FGF12: variants seen among roughly 807,000 people sequenced by gnomAD.
FGF12 encodes fibroblast growth factor 12B.
Under a neutral mutation model 23.6 loss-of-function variants are expected in FGF12, and 14 were observed. That is an observed-to-expected ratio of 0.59 (90% confidence interval 0.39 to 0.93). The LOEUF (loss-of-function observed/expected upper bound fraction) is 0.93, where lower values mean the gene tolerates loss of function less well. FGF12 is among the 40% of genes least tolerant of loss of function. FGF12 has a pLI of 0.00. For synonymous variants in FGF12, 62 were observed against 77.3 expected (o/e 0.80, Z 1.04); for missense variants, 175 against 217.8 (o/e 0.80, Z 1.24).
intron 4 of FGF12, among the ~76,000 whole-genome samples, chr3:192,307,962 C>T (rs1014631070): frequency 6.6e-6 from 1 of 152,128 alleles, no homozygotes; most frequent in Non-Finnish European, 1.5e-5. Flanking sequence ...GAATAAGACA[C>T]CAAAAATATA....
In FGF12 at chr3:192,511,408, G is replaced by A. The variant is rs543801452; in HGVS notation, c.14-150870C>T. 1.4e-4 allele frequency among the ~76,000 whole-genome samples: 21 copies of A among 152,232 alleles called. No individual in the cohort carries two copies. The South Asian group carries it at 1.7e-3, about 12-fold the overall frequency. On this transcript the variant is annotated intron_variant, in intron 2 of 5. Transcript: ENST00000445105. Reference sequence around the variant, plus strand: ...TAATGGTCTTTCCTGCTGAAGTGATGAGGAACCTGCAATTTTAACACCACT... The same window carrying A: ...TAATGGTCTTTCCTGCTGAAGTGATAAGGAACCTGCAATTTTAACACCACT...
intron 2 of FGF12, among the ~76,000 whole-genome samples, chr3:192,709,153 A>C (rs1035468969): frequency 1.3e-5 from 2 of 152,190 alleles, no homozygotes; most frequent in Non-Finnish European, 2.9e-5. Context: ...AAAATGACAC[A>C]CCGAAGCTTC....
chr3:192,504,054 T>A (rs1470406349), intron 2 of FGF12, among the ~76,000 whole-genome samples: 1 of 152,040 alleles, frequency 6.6e-6, no homozygotes, highest in East Asian at 1.9e-4. Flanking sequence ...TGGATAGATC[T>A]AGAGGCCGTT....
intron 4 of FGF12, among the ~76,000 whole-genome samples, chr3:192,320,063 T>A (rs1716453398): frequency 6.6e-6 from 1 of 152,174 alleles, no homozygotes; most frequent in African/African-American, 2.4e-5. Context: ...AGTGCCTGCA[T>A]AGATTTCAAA....
At chr3:192,648,257 T>C (rs901943673) in intron 2 of FGF12, among the ~76,000 whole-genome samples, 5 of 152,120 alleles carry the variant, frequency 3.3e-5, no homozygotes, top group African/African-American at 1.2e-4. Context: ...GCATAAGATA[T>C]AACAGAAATG....
chr3:192,723,030 G>A (rs1719089642), intron 2 of FGF12, among the ~76,000 whole-genome samples: 1 of 152,148 alleles, frequency 6.6e-6, no homozygotes, highest in Non-Finnish European at 1.5e-5. Context: ...GTTGAACAGA[G>A]AGGTATGACA....
chr3:192,636,074 G>C (rs1560176802), intron 2 of FGF12, among the ~76,000 whole-genome samples: 1 of 152,130 alleles, frequency 6.6e-6, no homozygotes, highest in Non-Finnish European at 1.5e-5. Flanking sequence ...AGGATAAATG[G>C]CATATGTGTT....
At chr3:192,580,596 G>T (rs758611050) in intron 2 of FGF12, among the ~76,000 whole-genome samples, 12 of 152,028 alleles carry the variant, frequency 7.9e-5, no homozygotes, top group South Asian at 2.1e-4. Flanking sequence ...AGATTTTTTT[G>T]TTGTTGTTGT....
At chr3:192,535,289 A>G (rs963841074) in intron 2 of FGF12, among the ~76,000 whole-genome samples, 4 of 152,222 alleles carry the variant, frequency 2.6e-5, no homozygotes, top group African/African-American at 9.6e-5. Context: ...CCATCCACCT[A>G]GTCTTTCATC....
chr3:192,211,434 TA>T (rs1208110865), intron 4 of FGF12, among the ~76,000 whole-genome samples: 1 of 152,158 alleles, frequency 6.6e-6, no homozygotes, highest in African/African-American at 2.4e-5. Context: ...TTTATTTGTT[TA>T]TTTTTTTGAG....
chr3:192,387,694 CA>C (rs557250807), intron 2 of FGF12, among the ~76,000 whole-genome samples: 239 of 141,154 alleles, frequency 1.7e-3, no homozygotes, highest in African/African-American at 2.4e-3. Context: ...AAAAAAAATA[CA>C]AAAAAAAAAT....
chr3:192,510,121 T>C (rs1271548219), intron 2 of FGF12, among the ~76,000 whole-genome samples: 1 of 152,230 alleles, frequency 6.6e-6, no homozygotes, highest in Non-Finnish European at 1.5e-5. Flanking sequence ...GCTCAGGCTA[T>C]GAAAGCTTCC....
chr3:192,337,319 C>T (rs548124721), intron 3 of FGF12, among the ~76,000 whole-genome samples: 13 of 152,072 alleles, frequency 8.5e-5, no homozygotes, highest in South Asian at 2.1e-4. Context: ...CCTAAAGAAG[C>T]GGAAGTTGAG....
At chr3:192,158,237 C>G (rs1714543164) in intron 5 of FGF12, among the ~76,000 whole-genome samples, 1 of 152,144 alleles carries the variant, frequency 6.6e-6, no homozygotes, top group Admixed American at 6.6e-5. Context: ...CACACCTTCC[C>G]CTTGTACCTC....
At chr3:192,668,329 G>A (rs949614525) in intron 2 of FGF12, among the ~76,000 whole-genome samples, 7 of 152,140 alleles carry the variant, frequency 4.6e-5, no homozygotes, top group Non-Finnish European at 8.8e-5. Flanking sequence ...ACTATTCTAC[G>A]GGGAACTGGG....
At chr3:192,590,725 A>G (rs993176265) in intron 2 of FGF12, among the ~76,000 whole-genome samples, 2 of 151,916 alleles carry the variant, frequency 1.3e-5, no homozygotes, top group Admixed American at 1.3e-4. Context: ...GCAGATAATC[A>G]CATGGACCTT....
At chr3:192,577,362 G>A (rs1712954094) in intron 2 of FGF12, among the ~76,000 whole-genome samples, 1 of 152,090 alleles carries the variant, frequency 6.6e-6, no homozygotes. Flanking sequence ...TTTTTTAAAT[G>A]AACAAATGGT....
chr3:192,526,561 C>A (rs772851123), intron 2 of FGF12, among the ~76,000 whole-genome samples: 1 of 152,178 alleles, frequency 6.6e-6, no homozygotes, highest in African/African-American at 2.4e-5. Context: ...CGCATACACA[C>A]ACACACACAT....
intron 2 of FGF12, among the ~76,000 whole-genome samples, chr3:192,591,135 A>G (rs1329945007): frequency 6.6e-6 from 1 of 151,402 alleles, no homozygotes; most frequent in African/African-American, 2.4e-5. Flanking sequence ...AGAAGGCGGT[A>G]TCTATGGAGA....
Sources: allele counts gnomAD v4.1 joint callset (sites outside exome capture counted in the v4.1 genomes callset), GRCh38; gene constraint gnomAD v4.1.1; transcripts MANE v1.5; gene names NCBI Gene and HGNC (gene_info 2026-07-23, HGNC 2026-07-21).